The following STK32B variants were observed in gnomAD, a reference collection of about 807,000 sequenced individuals.
STK32B encodes serine/threonine kinase 32B, also known as serine/threonine-protein kinase 32B.
In STK32B, 43 loss-of-function variants were observed where a neutral mutation model predicts 52.6. That is an observed-to-expected ratio of 0.82 (90% CI 0.64 to 1.05). The LOEUF (loss-of-function observed/expected upper bound fraction) is 1.05, where lower values mean the gene tolerates loss of function less well. Ranked by LOEUF, STK32B falls within the 50% of genes least tolerant of loss-of-function variation. STK32B has a pLI of 0.00. For synonymous variants in STK32B, 238 were observed against 204.3 expected, an observed-to-expected ratio of 1.17 and a Z score of -1.41; for missense variants, 621 against 534.6, an observed-to-expected ratio of 1.16 and a Z score of -1.59.
chr4:5,339,363 C>T (rs1732919607), intron 4 of STK32B, among the ~76,000 whole-genome samples: 1 of 152,116 alleles, frequency 6.6e-6, no homozygotes, highest in Non-Finnish European at 1.5e-5. Context: ...ATTACCTTCC[C>T]AATTCTAAAA....
intron 2 of STK32B, among the ~76,000 whole-genome samples, 178 bp from the exon 3 acceptor site, chr4:5,168,121 C>T (rs1719031176): frequency 6.6e-6 from 1 of 152,176 alleles, no homozygotes; most frequent in African/African-American, 2.4e-5. Context: ...TCTGGTCCAA[C>T]TCCTCCATTC....
intron 6 of STK32B, among the ~76,000 whole-genome samples, chr4:5,433,701 G>T (rs1348074644): frequency 2.0e-5 from 3 of 152,186 alleles, no homozygotes; most frequent in Non-Finnish European, 2.9e-5. Context: ...CTGTCAGCTC[G>T]CAGGCTAGAT....
chr4:5,098,583 C>T (rs1216093655), intron 1 of STK32B, among the ~76,000 whole-genome samples: 1 of 152,214 alleles, frequency 6.6e-6, no homozygotes. Context: ...GTACTGCTAG[C>T]TCCACTTTAT....
intron 3 of STK32B, among the ~76,000 whole-genome samples, chr4:5,199,799 A>G (rs1265771190): frequency 1.3e-5 from 2 of 151,742 alleles, no homozygotes; most frequent in Admixed American, 1.3e-4. Flanking sequence ...TACGCCACAA[A>G]ACCCTGCCCT....
the STK32B span, among the ~76,000 whole-genome samples, chr4:5,040,260 T>C: frequency 6.6e-6 from 1 of 152,178 alleles, no homozygotes; most frequent in South Asian, 2.1e-4. Flanking sequence ...GTGGATACCA[T>C]GAACAAGTAG....
intron 3 of STK32B, among the ~76,000 whole-genome samples, chr4:5,255,476 C>T (rs560173040): frequency 6.6e-6 from 1 of 151,462 alleles, no homozygotes; most frequent in Non-Finnish European, 1.5e-5. Flanking sequence ...TGGTCTTAAC[C>T]AGATAGCTCA....
At chr4:5,307,343 T>C (rs1157485176) in intron 3 of STK32B, among the ~76,000 whole-genome samples, 2 of 152,142 alleles carry the variant, frequency 1.3e-5, no homozygotes, top group Non-Finnish European at 2.9e-5. Context: ...TTTTATCTTT[T>C]ATTCTTTGTT....
intron 3 of STK32B, among the ~76,000 whole-genome samples, chr4:5,285,892 A>G (rs966799642): frequency 2.6e-5 from 4 of 152,168 alleles, no homozygotes; most frequent in Admixed American, 2.0e-4. Context: ...ACCTCAGAAT[A>G]TGACTGTATT....
chr4:5,153,918 C>T (rs76471606), intron 2 of STK32B, among the ~76,000 whole-genome samples: 3,175 of 152,106 alleles, frequency 0.021, 103 homozygotes, highest in African/African-American at 0.072. Context: ...TCTCTGCAAA[C>T]TTATATACAG....
At chr4:5,221,555 G>T (rs1244600326) in intron 3 of STK32B, among the ~76,000 whole-genome samples, 1 of 152,174 alleles carries the variant, frequency 6.6e-6, no homozygotes, top group Non-Finnish European at 1.5e-5. Flanking sequence ...GTGAAATGGG[G>T]ATATAGCAGA....
In STK32B at chr4:5,316,860, ATT is replaced by A. The variant is rs1730901208; in HGVS notation, c.261-14359_261-14358del. ...ATATTATATATAATATATTATATAT[ATT>A]ATATATTATATATAATATATTATAT... On this transcript the variant is annotated intron_variant, in intron 3 of 11. Transcript: ENST00000282908. Among the ~76,000 whole-genome samples, 8 of 5,616 alleles carry A rather than the reference ATT, an allele frequency of 1.4e-3. 1 individual carries two copies. The highest frequency in any genetic ancestry group is 4.4e-3 in the African/African-American group (2 of 454). 3.7% of individuals were successfully genotyped at this position (5,616 alleles called of 152,430 possible). A position where few individuals can be genotyped will look rare whatever the true frequency, so the allele number is the denominator to read the frequency against.
At chr4:5,427,278 C>G (rs1440611633) in intron 6 of STK32B, among the ~76,000 whole-genome samples, 1 of 152,126 alleles carries the variant, frequency 6.6e-6, no homozygotes, top group Non-Finnish European at 1.5e-5. Context: ...TACATATAAT[C>G]CTTGAATCAA....
the STK32B span, among the ~76,000 whole-genome samples, chr4:5,035,505 C>T: frequency 6.6e-6 from 1 of 152,226 alleles, no homozygotes; most frequent in African/African-American, 2.4e-5. Flanking sequence ...GGTGAAGACC[C>T]CCACCCACAC....
At chr4:5,175,152 C>T (rs974555248) in intron 3 of STK32B, among the ~76,000 whole-genome samples, 1 of 152,204 alleles carries the variant, frequency 6.6e-6, no homozygotes, top group African/African-American at 2.4e-5. Context: ...TCAGCTCCAT[C>T]AGGTCCTTTA....
At chr4:5,041,007 T>C in the STK32B span, among the ~76,000 whole-genome samples, 2 of 152,224 alleles carry the variant, frequency 1.3e-5, no homozygotes, top group African/African-American at 4.8e-5. Flanking sequence ...CCATCCTTGA[T>C]GGAGACATCG....
intron 2 of STK32B, among the ~76,000 whole-genome samples, chr4:5,140,917 A>G (rs1190094953): frequency 6.6e-6 from 1 of 152,190 alleles, no homozygotes; most frequent in African/African-American, 2.4e-5. Flanking sequence ...AATGAGAGAG[A>G]TGCGAAACAG....
At chr4:5,145,586 T>G (rs1043903380) in intron 2 of STK32B, among the ~76,000 whole-genome samples, 5 of 152,228 alleles carry the variant, frequency 3.3e-5, no homozygotes, top group African/African-American at 1.2e-4. Context: ...AATGGGATCA[T>G]GCAATATATA....
chr4:5,126,797 T>C (rs1428653000), intron 1 of STK32B, among the ~76,000 whole-genome samples: 1 of 152,216 alleles, frequency 6.6e-6, no homozygotes, highest in Non-Finnish European at 1.5e-5. Context: ...CGGGCAGCTC[T>C]GTAATATCTA....
At chr4:5,162,705 T>C (rs1718540512) in intron 2 of STK32B, among the ~76,000 whole-genome samples, 1 of 152,262 alleles carries the variant, frequency 6.6e-6, no homozygotes, top group Non-Finnish European at 1.5e-5. Flanking sequence ...GATTGCTTGC[T>C]GTCACCTCAT....
Sources: gnomAD v4.1 joint callset for allele counts (sites outside exome capture counted in the v4.1 genomes callset) on GRCh38, gnomAD v4.1.1 for gene constraint, MANE v1.5 for transcripts, NCBI Gene and HGNC (gene_info 2026-07-23, HGNC 2026-07-21) for gene names.